CDC20B: variants seen among roughly 807,000 people sequenced by gnomAD.
The protein encoded by CDC20B is cell division cycle 20B, also known as cell division cycle protein 20 homolog B.
In CDC20B, 58 loss-of-function variants were observed where a neutral mutation model predicts 64.1. The ratio of observed to expected loss-of-function variants is 0.90; its 90% CI spans 0.73 to 1.13. The LOEUF (loss-of-function observed/expected upper bound fraction) is 1.13, where lower values mean the gene tolerates loss of function less well. Ranked by LOEUF, CDC20B falls within the 50% of genes most tolerant of loss-of-function variation. The pLI, the probability that CDC20B is intolerant of heterozygous loss-of-function variation, is 0.00. For missense variants in CDC20B, 597 were observed against 633.0 expected, an observed-to-expected ratio of 0.94 and a Z score of 0.61; for synonymous variants, 243 against 230.6, an observed-to-expected ratio of 1.05 and a Z score of -0.49.
chr5:55,128,552 T>G lies in CDC20B; in HGVS notation c.763A>C (p.Ile255Leu). ...VAIALGSAVYIWNGENHNGIE... is the reference protein window; with the variant it reads ...VAIALGSAVYLWNGENHNGIE... ...CCATTGTGGTTCTCCCCATTCCAGA[T>G]GTATACAGCAGAGCCCAGGGCTATG... The change falls in exon 7 of 12, where the codon ATC (isoleucine) becomes CTC (leucine). Residue 255 changes from isoleucine (I) to leucine (L), a missense_variant. Around this residue, in one of 3 missense-constraint regions of CDC20B, gnomAD observed 353 missense variants for 397.0 expected, o/e 0.89. Transcript: ENST00000381375. 1 of 1,609,698 alleles carries G rather than the reference T, an allele frequency of 6.2e-7. No individual in the cohort carries two copies. The highest frequency in any genetic ancestry group is 1.7e-4 in the Middle Eastern group (1 of 6,054).
chr5:55,139,332 G>A (rs768057975), intron 5 of CDC20B, among the ~76,000 whole-genome samples: 1 of 152,224 alleles, frequency 6.6e-6, no homozygotes, highest in South Asian at 2.1e-4. Context: ...CAACATAGCT[G>A]CCCAAAAATA....
At chr5:55,143,223 T>C (rs1743377485) in intron 4 of CDC20B, among the ~76,000 whole-genome samples, 1 of 152,220 alleles carries the variant, frequency 6.6e-6, no homozygotes, top group African/African-American at 2.4e-5. Flanking sequence ...GTAATAAGTA[T>C]AATTTCATTA....
In CDC20B at chr5:55,128,604, T is replaced by G; in HGVS notation, c.711A>C (p.Leu237=). 6.4e-7 allele frequency: 1 copy of G among 1,562,432 alleles called. No homozygotes were observed. Among genetic ancestry groups the G allele is most frequent in the South Asian group, 1.2e-5 (1 of 82,036 alleles). The change falls in exon 7 of 12, where the codon CTA becomes CTC. Residue 237 remains leucine (L), a synonymous_variant. Transcript: ENST00000381375. ...CAACAAGATTCTGAAAACTCCAATC[T>G]AGGATATTCAGATCTATAAGAAAAG... is the stretch of plus-strand genomic sequence containing the variant. ...GLRNDYYLNI[L]DWSFQNLVAI...
intron 2 of CDC20B, among the ~76,000 whole-genome samples, chr5:55,156,377 T>A (rs949342351): frequency 2.4e-4 from 37 of 152,206 alleles, no homozygotes; most frequent in African/African-American, 8.7e-4. Flanking sequence ...TAAATAAATT[T>A]ATTCACCTAT....
intron 7 of CDC20B, among the ~76,000 whole-genome samples, chr5:55,128,068 A>G (rs748792942): frequency 1.4e-4 from 21 of 152,302 alleles, no homozygotes; most frequent in South Asian, 6.2e-4. Flanking sequence ...CTCATTTTCT[A>G]TAACTGTACT....
chr5:55,162,263 G>A (rs540126428), intron 2 of CDC20B, among the ~76,000 whole-genome samples: 5 of 152,228 alleles, frequency 3.3e-5, no homozygotes, highest in South Asian at 4.1e-4. Context: ...AGGTGTGGTG[G>A]TGGGCACCTG....
chr5:55,160,572 TAAA>T, intron 2 of CDC20B: 1 of 568,550 alleles, frequency 1.8e-6, no homozygotes, highest in South Asian at 2.5e-5. Flanking sequence ...TTCTAAATAA[TAAA>T]TTCCGATTAT....
At chr5:55,146,565 C>A in intron 3 of CDC20B, 63 bp downstream of exon 3, 1 of 1,155,592 alleles carries the variant, frequency 8.7e-7, no homozygotes. Flanking sequence ...GACAAAGATT[C>A]TCTCAGGAAT....
intron 9 of CDC20B, 33 bp downstream of exon 9, chr5:55,124,770 A>C: frequency 6.3e-7 from 1 of 1,575,510 alleles, no homozygotes; most frequent in Non-Finnish European, 8.7e-7. Flanking sequence ...CCTCTGAGTA[A>C]CAGGAAACCT....
Position 55,133,512 on chromosome 5 carries a change from G to A in CDC20B, c.597C>T (p.Val199=), listed in dbSNP as rs769294310. 1 of 1,545,530 alleles carries A rather than the reference G, an allele frequency of 6.5e-7. No individual in the cohort carries two copies. The highest frequency in any genetic ancestry group is 8.8e-7 in the Non-Finnish European group (1 of 1,132,560). The change falls in exon 6 of 12, where the codon GTC becomes GTT. Residue 199 remains valine, a synonymous_variant. Transcript: ENST00000381375. The part of the protein sequence containing the change: ...ECVWKGCKDG[V]RDESFHLKSS... The stretch of plus-strand genomic sequence containing the variant: ...TTTTAAGATGGAAGGATTCATCTCT[G>A]ACTCCATCTTTGCAGCCTACAAGAA...
intron 2 of CDC20B, among the ~76,000 whole-genome samples, chr5:55,171,221 G>T (rs1387023449): frequency 1.3e-5 from 2 of 152,190 alleles, no homozygotes; most frequent in Admixed American, 1.3e-4. Flanking sequence ...GCTGAGACAT[G>T]AGAATCACTT....
chr5:55,128,715 T>A, intron 6 of CDC20B, 98 bp from the exon 7 acceptor site: 2 of 816,560 alleles, frequency 2.4e-6, no homozygotes, highest in Non-Finnish European at 1.8e-6. Context: ...AATAATACCA[T>A]CCCCATGGTT....
intron 8 of CDC20B, among the ~76,000 whole-genome samples, chr5:55,125,903 A>AATT (rs1180751067): frequency 6.6e-6 from 1 of 152,228 alleles, no homozygotes; most frequent in East Asian, 1.9e-4. Context: ...TAATTTGAAA[A>AATT]AACAAAATTG....
intron 5 of CDC20B, chr5:55,136,376 T>A (rs1743171543): frequency 6.6e-6 from 1 of 151,934 alleles, no homozygotes; most frequent in Non-Finnish European, 1.5e-5. Flanking sequence ...CTGGGCAACA[T>A]GGTGAAACCC....
rs199683421 is a variant in CDC20B, at chr5:55,146,792, G to A, written c.191C>T (p.Ala64Val). 5.7e-5 allele frequency: 92 copies of A among 1,614,108 alleles called. 1 individual carries two copies. In the East Asian group the frequency reaches 2.0e-3, roughly 35 times the overall value. Residue 64 changes from alanine to valine, a missense_variant, in exon 3 of 12, where the codon GCA becomes GTA. Transcript: ENST00000381375. ...GGGGCTACTCGCAACAGGAACCTCT[G>A]CGGACAGCCTCTTCGCAAAGTTGCT... ...FKSNFAKRLS[A>V]EVPVASSPIT...
intron 2 of CDC20B, chr5:55,164,431 T>A (rs1244195476): frequency 2.1e-5 from 7 of 327,056 alleles, no homozygotes; most frequent in Non-Finnish European, 3.3e-5. Context: ...TGCTATTAAG[T>A]GGTAATGAAT....
At chr5:55,118,501 C>T (rs1332571192) in intron 11 of CDC20B, among the ~76,000 whole-genome samples, 1 of 152,166 alleles carries the variant, frequency 6.6e-6, no homozygotes, top group African/African-American at 2.4e-5. Flanking sequence ...TTCTAAGCAT[C>T]AGCAAATTGA....
Position 55,163,916 on chromosome 5 carries a change from G to A in CDC20B, c.126+8672C>T, listed in dbSNP as rs146687664. 7.2e-4 allele frequency: 395 copies of A among 546,444 alleles called. 1 individual carries two copies. Among genetic ancestry groups the A allele is most frequent in the African/African-American group, 5.1e-3 (261 of 51,516 alleles). The allele number at this position is 546,444 out of a possible 1,614,324, so 33.8% of individuals were successfully genotyped here. A position where few individuals can be genotyped will look rare whatever the true frequency, so the allele number is the denominator to read the frequency against. On this transcript the variant is annotated intron_variant, in intron 2 of 11. Transcript: ENST00000381375. The stretch of plus-strand genomic sequence containing the variant: ...TTACTCTAACCTTGAGTTTCACTTC[G>A]TTTGGGTGTTTTGTTTTTTATATTA...
intron 2 of CDC20B, among the ~76,000 whole-genome samples, chr5:55,158,208 G>T (rs576023423): frequency 1.3e-5 from 2 of 152,250 alleles, no homozygotes; most frequent in South Asian, 4.1e-4. Context: ...CCCAGGTGAT[G>T]GTACTGTGGA....
Sources: allele counts gnomAD v4.1 joint callset (sites outside exome capture counted in the v4.1 genomes callset), GRCh38; gene constraint gnomAD v4.1.1; regional missense constraint gnomAD v4.1.1; transcripts MANE v1.5; gene names NCBI Gene and HGNC (gene_info 2026-07-23, HGNC 2026-07-21).